PHACTR4: variants seen among roughly 807,000 people sequenced by gnomAD.
The protein encoded by PHACTR4 is protein phosphatase 1, regulatory subunit 124.
PHACTR4 carries 51 observed loss-of-function variants against 72.7 expected under a neutral mutation model. The ratio of observed to expected loss-of-function variants is 0.70; its 90% CI spans 0.56 to 0.89. PHACTR4 has a LOEUF of 0.89. Among genes scored for constraint, PHACTR4 ranks in the 40% least tolerant of loss-of-function variants. PHACTR4 has a pLI of 0.00. For missense variants in PHACTR4, 731 were observed against 861.8 expected (o/e 0.85, Z 1.90); for synonymous variants, 255 against 302.5 (o/e 0.84, Z 1.63).
chr1:28,428,807 T>A (rs1656035468), intron 2 of PHACTR4, among the ~76,000 whole-genome samples: 1 of 152,230 alleles, frequency 6.6e-6, no homozygotes, highest in Non-Finnish European at 1.5e-5. Context: ...CTCTAATCAT[T>A]AGGTAGTCTT....
chr1:28,450,973 G>GTTT (rs1557823481), intron 2 of PHACTR4, among the ~76,000 whole-genome samples: 1 of 55,476 alleles, frequency 1.8e-5, no homozygotes, highest in Non-Finnish European at 3.6e-5. Context: ...ACCACACCCA[G>GTTT]CTTTTTTTTT....
chr1:28,493,463 G>A lies in PHACTR4; in HGVS notation c.2093+372G>A, dbSNP rs1029294341. Among the ~76,000 whole-genome samples, 3 of 151,896 alleles carry A rather than the reference G, an allele frequency of 2.0e-5. No individual in the cohort carries two copies. In the South Asian group the frequency reaches 6.2e-4, roughly 32 times the overall value. On this transcript the variant is annotated intron_variant, in intron 13 of 13. Coordinates refer to ENST00000373839, the MANE Select transcript of PHACTR4 (RefSeq NM_001048183.3). ...TGATGCGGGAGAATCACTTGAACCC[G>A]GGAGATGGAGGTTGTAGTGAGCTGA...
At position 28,473,979 on chromosome 1, in the gene PHACTR4, C is replaced by G; in HGVS notation, c.1249C>G (p.Leu417Val). 3 of 1,614,202 alleles carry G rather than the reference C, an allele frequency of 1.9e-6. No individual in the cohort carries two copies. Among genetic ancestry groups the G allele is most frequent in the Non-Finnish European group, 2.5e-6 (3 of 1,180,038 alleles). The stretch of plus-strand genomic sequence containing the variant: ...ACCCTCTAGGCTGCCTCCACTCCCA[C>G]TGCATATTCGAATCCAGCAGGCCCT... ...HIPSRLPPLP[L>V]HIRIQQALTS... is the part of the protein sequence containing the mutation. Residue 417 changes from leucine to valine, a missense_variant, in exon 7 of 14, where the codon CTG becomes GTG. Leu to Val is a conservative substitution (Grantham distance 32, BLOSUM62 1). Transcript: ENST00000373839.
intron 1 of PHACTR4, among the ~76,000 whole-genome samples, chr1:28,402,011 G>T (rs1421014812): frequency 2.0e-5 from 3 of 152,168 alleles, no homozygotes; most frequent in Non-Finnish European, 4.4e-5. Context: ...AGCAAGAGAT[G>T]GTGATAGCTT....
chr1:28,442,472 GAA>G (rs555955241), intron 2 of PHACTR4, among the ~76,000 whole-genome samples: 2 of 148,774 alleles, frequency 1.3e-5, no homozygotes, highest in Non-Finnish European at 3.0e-5. Flanking sequence ...CAAAAAAAAA[GAA>G]AAAAAAGTTT....
At chr1:28,457,691 A>T in intron 2 of PHACTR4, 2 of 299,214 alleles carry the variant, frequency 6.7e-6, no homozygotes, top group Middle Eastern at 1.7e-3. Flanking sequence ...CAAAAGTGTT[A>T]CTTGCTTCAG....
At chr1:28,397,323 A>C (rs1212813823) in intron 1 of PHACTR4, among the ~76,000 whole-genome samples, 1 of 152,196 alleles carries the variant, frequency 6.6e-6, no homozygotes, top group Non-Finnish European at 1.5e-5. Flanking sequence ...AGAAGGTTAA[A>C]TTATTCTGCA....
intron 13 of PHACTR4, 46 bp downstream of exon 13, chr1:28,493,137 C>T: frequency 6.5e-7 from 1 of 1,538,792 alleles, no homozygotes; most frequent in South Asian, 1.1e-5. Flanking sequence ...GTAGAGTTTT[C>T]CAAAAAATTG....
At chr1:28,409,951 A>AT (rs57186471) in intron 2 of PHACTR4, among the ~76,000 whole-genome samples, 3,883 of 66,324 alleles carry the variant, frequency 0.059, 506 homozygotes, top group East Asian at 0.072. Flanking sequence ...TTCTTCATAA[A>AT]TTTTTTTTTT....
chr1:28,458,108 TTGTGTGTGTGTGTGTG>T lies in PHACTR4; in HGVS notation c.17-943_17-928del, dbSNP rs539564108. ...ATCCTTAATATTATGGTGTGTGTGTTTGTGTGTGTGTGTGTGTGTGTGTGTGTGTGTGTGTGTGTGT... is the reference window on the plus strand; with the variant it reads ...ATCCTTAATATTATGGTGTGTGTGTTTGTGTGTGTGTGTGTGTGTGTGTGT... On this transcript the variant is annotated intron_variant, in intron 2 of 13. Transcript: ENST00000373839. 2.1e-3 allele frequency among the ~76,000 whole-genome samples: 256 copies of T among 120,356 alleles called. 4 individuals are homozygous for T. The highest frequency in any genetic ancestry group is 3.7e-3 in the East Asian group (16 of 4,338). 79.0% of individuals were successfully genotyped at this position (120,356 alleles called of 152,430 possible). A position where few individuals can be genotyped will look rare whatever the true frequency, so the allele number is the denominator to read the frequency against.
intron 13 of PHACTR4, among the ~76,000 whole-genome samples, chr1:28,495,814 C>T (rs1227109131): frequency 1.3e-5 from 2 of 150,912 alleles, no homozygotes; most frequent in South Asian, 2.1e-4. Flanking sequence ...ACAGGGTCTC[C>T]GTATGTTGCC....
intron 13 of PHACTR4, among the ~76,000 whole-genome samples, chr1:28,495,870 G>A (rs2124565261): frequency 6.6e-6 from 1 of 151,906 alleles, no homozygotes; most frequent in African/African-American, 2.4e-5. Flanking sequence ...TCTCACCTTG[G>A]CCTCCCAAAG....
chr1:28,480,827 T>TA (rs1396826094), intron 9 of PHACTR4, among the ~76,000 whole-genome samples: 3 of 152,054 alleles, frequency 2.0e-5, no homozygotes, highest in Admixed American at 6.6e-5. Flanking sequence ...TAGCTGGCGT[T>TA]ATAGGCACCT....
chr1:28,448,761 C>CAAAAAAAAA (rs777343479), intron 2 of PHACTR4, among the ~76,000 whole-genome samples: 1 of 20,354 alleles, frequency 4.9e-5, no homozygotes. Flanking sequence ...GACTCCATCT[C>CAAAAAAAAA]AAAAAAAAAA....
At chr1:28,412,087 C>T (rs1018897502) in intron 2 of PHACTR4, among the ~76,000 whole-genome samples, 5 of 152,062 alleles carry the variant, frequency 3.3e-5, no homozygotes, top group Non-Finnish European at 5.9e-5. Context: ...GTTAATATCA[C>T]TATTGGTCTC....
At chr1:28,457,197 A>G in intron 2 of PHACTR4, 1 of 370,644 alleles carries the variant, frequency 2.7e-6, no homozygotes, top group East Asian at 7.8e-5. Context: ...ACTTCCCTAA[A>G]CCTCCATCAA....
chr1:28,460,584 C>T lies in PHACTR4; in HGVS notation c.271+292C>T, dbSNP rs139314727. Among the ~76,000 whole-genome samples, 399 of 152,228 alleles carry T rather than the reference C, an allele frequency of 2.6e-3. 3 individuals carry two copies. Among genetic ancestry groups the T allele is most frequent in the Non-Finnish European group, 4.3e-3 (295 of 68,028 alleles). On this transcript the variant is annotated intron_variant, in intron 4 of 13. Transcript: ENST00000373839. The stretch of plus-strand genomic sequence containing the variant: ...AGTGCAGTGGCACAATCTTGGCTCA[C>T]TGCAACCTCTGCCTCCTGGGTTCAA...
chr1:28,447,651 AC>A (rs1170200515), intron 2 of PHACTR4, among the ~76,000 whole-genome samples: 1 of 152,056 alleles, frequency 6.6e-6, no homozygotes, highest in Non-Finnish European at 1.5e-5. Context: ...CACTATAAAA[AC>A]ATACCCTTAA....
intron 4 of PHACTR4, among the ~76,000 whole-genome samples, chr1:28,461,649 C>G (rs575309804): frequency 7.9e-5 from 12 of 152,024 alleles, no homozygotes; most frequent in African/African-American, 2.9e-4. Context: ...AATATTATTA[C>G]AATTGGTTAC....
Sources: gnomAD v4.1 joint callset for allele counts (sites outside exome capture counted in the v4.1 genomes callset) on GRCh38, gnomAD v4.1.1 for gene constraint, MANE v1.5 for transcripts, NCBI Gene and HGNC (gene_info 2026-07-23, HGNC 2026-07-21) for gene names.